The following RELN variants were observed in gnomAD, a reference collection of about 807,000 sequenced individuals.
RELN encodes reelin.
RELN carries 108 observed loss-of-function variants against 427.6 expected under a neutral mutation model. The observed-to-expected ratio is 0.25, with a 90% CI of 0.22 to 0.30. RELN has a LOEUF of 0.30. RELN is among the 10% of genes least tolerant of loss of function. The pLI, the probability that RELN is intolerant of heterozygous loss-of-function variation, is 1.00. For missense variants in RELN, 3,715 were observed against 4,302.8 expected (o/e 0.86, Z 3.82); for synonymous variants, 1,524 against 1,513.4 (o/e 1.01, Z -0.16).
intron 6 of RELN, among the ~76,000 whole-genome samples, chr7:103,738,672 C>CT (rs57390524): frequency 0.025 from 1,735 of 70,554 alleles, 284 homozygotes; most frequent in Non-Finnish European, 0.03. Flanking sequence ...TCCTTCCTTC[C>CT]TTTTTTTTTT....
intron 2 of RELN, among the ~76,000 whole-genome samples, chr7:103,879,683 T>G (rs1794562403): frequency 6.6e-6 from 1 of 152,190 alleles, no homozygotes; most frequent in Non-Finnish European, 1.5e-5. Flanking sequence ...ATACGCATTT[T>G]CATCATTTTG....
chr7:103,498,478 T>C (rs1828912119), intron 53 of RELN, among the ~76,000 whole-genome samples: 1 of 146,410 alleles, frequency 6.8e-6, no homozygotes, highest in Admixed American at 6.8e-5. Context: ...TTTAAAATAA[T>C]TGTAAAGTTG....
chr7:103,809,806 A>G (rs1792692023), intron 3 of RELN, among the ~76,000 whole-genome samples: 1 of 152,192 alleles, frequency 6.6e-6, no homozygotes, highest in Admixed American at 6.6e-5. Flanking sequence ...CAAAATAAGC[A>G]TGTTATTTAG....
At chr7:103,684,880 A>G (rs1417014676) in intron 10 of RELN, among the ~76,000 whole-genome samples, 3 of 152,198 alleles carry the variant, frequency 2.0e-5, no homozygotes, top group Admixed American at 6.5e-5. Flanking sequence ...AAAATAGAAG[A>G]GCATTTCAAT....
intron 1 of RELN, among the ~76,000 whole-genome samples, chr7:103,940,165 G>C (rs529605546): frequency 6.6e-6 from 1 of 152,198 alleles, no homozygotes; most frequent in South Asian, 2.1e-4. Flanking sequence ...TAATTTACTG[G>C]GGTTGGAGGA....
chr7:103,795,226 A>C (rs1444682676), intron 3 of RELN, among the ~76,000 whole-genome samples: 1 of 152,220 alleles, frequency 6.6e-6, no homozygotes, highest in Admixed American at 6.5e-5. Context: ...TCTGCAGTAG[A>C]TATCTATATA....
intron 18 of RELN, among the ~76,000 whole-genome samples, chr7:103,635,840 A>T (rs1832567853): frequency 1.3e-5 from 2 of 152,220 alleles, no homozygotes; most frequent in Non-Finnish European, 2.9e-5. Flanking sequence ...ACTTGTGTAC[A>T]TACACTTAAA....
chr7:103,542,964 T>TACTCA (rs201754442), intron 42 of RELN, 86 bp from the exon 43 acceptor site: 2 of 1,332,670 alleles, frequency 1.5e-6, no homozygotes, highest in Non-Finnish European at 1.1e-6. Context: ...GGTAAATGCA[T>TACTCA]TATGTAGTTT....
rs369351222 is a variant in RELN, at chr7:103,677,261, G to C, written c.1289+4855C>G. 5.8e-4 allele frequency among the ~76,000 whole-genome samples: 88 copies of C among 150,686 alleles called. 1 individual carries two copies. The East Asian group carries it at 6.1e-3, about 10-fold the overall frequency. ...GGAACATCATACACTAGGATCTGTGGGGGGTGGGGGACTAGGGGAGGGATA... is the reference window on the plus strand; with the variant it reads ...GGAACATCATACACTAGGATCTGTGCGGGGTGGGGGACTAGGGGAGGGATA... On this transcript the variant is annotated intron_variant, in intron 11 of 64. Transcript: ENST00000428762.
chr7:103,473,758 T>A (rs560762085), intron 64 of RELN, among the ~76,000 whole-genome samples: 16 of 152,286 alleles, frequency 1.1e-4, no homozygotes, highest in African/African-American at 3.8e-4. Flanking sequence ...TTAAAAAGGA[T>A]TGTGAGCTAT....
intron 3 of RELN, among the ~76,000 whole-genome samples, chr7:103,796,141 A>C (rs1321198647): frequency 2.6e-5 from 4 of 152,220 alleles, no homozygotes; most frequent in Non-Finnish European, 5.9e-5. Flanking sequence ...TTATTTTGGA[A>C]CACTGAACTG....
At chr7:103,768,403 A>T (rs544771529) in intron 4 of RELN, among the ~76,000 whole-genome samples, 1 of 152,282 alleles carries the variant, frequency 6.6e-6, no homozygotes, top group Admixed American at 6.5e-5. Context: ...TTCCAAGAAC[A>T]TTAAGGGGAC....
chr7:103,745,981 A>G (rs533774416), intron 6 of RELN, among the ~76,000 whole-genome samples: 1 of 152,298 alleles, frequency 6.6e-6, no homozygotes, highest in Admixed American at 6.5e-5. Flanking sequence ...CCAAAAGAAC[A>G]AAGCTGGAGG....
chr7:103,642,225 G>T (rs1188649270), intron 16 of RELN, among the ~76,000 whole-genome samples: 1 of 152,058 alleles, frequency 6.6e-6, no homozygotes, highest in African/African-American at 2.4e-5. Flanking sequence ...CACACTAGCA[G>T]AAGTTGACTC....
intron 47 of RELN, 56 bp downstream of exon 47, chr7:103,523,335 C>T (rs1829751695): frequency 1.9e-6 from 3 of 1,608,366 alleles, no homozygotes; most frequent in African/African-American, 1.3e-5. Context: ...GAAAAATCTC[C>T]TAGATGGAAT....
chr7:103,519,254 C>T lies in RELN; in HGVS notation c.7862+69G>A. 2.5e-6 allele frequency: 3 copies of T among 1,219,258 alleles called. No homozygotes were observed. In the South Asian group the frequency reaches 3.6e-5, roughly 15 times the overall value. The allele number at this position is 1,219,258 out of a possible 1,614,324, so 75.5% of individuals were successfully genotyped here. A position where few individuals can be genotyped will look rare whatever the true frequency, so the allele number is the denominator to read the frequency against. ...TAAGTCTGAGGTCCCCCTCAGTCTCCCGTGACTGATTGCTGGTAGCAATCT... is the reference window on the plus strand; with the variant it reads ...TAAGTCTGAGGTCCCCCTCAGTCTCTCGTGACTGATTGCTGGTAGCAATCT... On this transcript the variant is annotated intron_variant, in intron 49 of 64. Transcript: ENST00000428762.
intron 3 of RELN, among the ~76,000 whole-genome samples, chr7:103,816,027 G>A: frequency 6.6e-6 from 1 of 152,162 alleles, no homozygotes; most frequent in East Asian, 1.9e-4. Flanking sequence ...GATTGCTCTA[G>A]AGTTTTATCT....
intron 16 of RELN, among the ~76,000 whole-genome samples, chr7:103,644,861 T>C (rs888505387): frequency 6.6e-6 from 1 of 151,524 alleles, no homozygotes; most frequent in African/African-American, 2.4e-5. Flanking sequence ...AAGGAAAAAA[T>C]CTTAAGATTA....
intron 46 of RELN, among the ~76,000 whole-genome samples, chr7:103,531,964 A>G (rs1316789515): frequency 6.6e-6 from 1 of 152,202 alleles, no homozygotes; most frequent in Non-Finnish European, 1.5e-5. Flanking sequence ...CCAAAGGAAC[A>G]TAAATCTTTC....
Sources: gnomAD v4.1 joint callset for allele counts (sites outside exome capture counted in the v4.1 genomes callset) on GRCh38, gnomAD v4.1.1 for gene constraint, MANE v1.5 for transcripts, NCBI Gene and HGNC (gene_info 2026-07-23, HGNC 2026-07-21) for gene names.